SMURF1: variants seen among roughly 807,000 people sequenced by gnomAD.
SMURF1 encodes SMAD specific E3 ubiquitin protein ligase 1.
A neutral mutation model predicts 98.0 loss-of-function variants in SMURF1; 44 were observed. That is an observed-to-expected ratio of 0.45 (90% confidence interval 0.35 to 0.58). SMURF1 has a LOEUF of 0.58. Among genes scored for constraint, SMURF1 ranks in the 20% least tolerant of loss-of-function variants. SMURF1 has a pLI of 0.00. For missense variants in SMURF1, 687 were observed against 938.4 expected (o/e 0.73, Z 3.50); for synonymous variants, 396 against 374.9 (o/e 1.06, Z -0.65).
At chr7:99,079,125 C>G (rs1457288401) in intron 1 of SMURF1, among the ~76,000 whole-genome samples, 2 of 152,208 alleles carry the variant, frequency 1.3e-5, no homozygotes, top group Non-Finnish European at 2.9e-5. Flanking sequence ...GGTGGGAAGC[C>G]GGGAAGCTGA....
intron 1 of SMURF1, among the ~76,000 whole-genome samples, chr7:99,067,013 T>C (rs1221118197): frequency 8.3e-6 from 1 of 119,974 alleles, no homozygotes; most frequent in Non-Finnish European, 1.7e-5. Context: ...TTTTTTTTTT[T>C]GAGACAGAGT....
rs1554440705 is a variant in SMURF1 at position 99,057,607 on chromosome 7, T to TGTTG, written c.204-57_204-56insCAAC. ...TTGTGTTTGGTTTTTTTTGTTTTGT[T>TGTTG]TTTTTTTTTTTTTGAGATAGAATCC... On this transcript the variant is annotated intron_variant, in intron 3 of 17. Coordinates refer to ENST00000361368, the MANE Select transcript of SMURF1 (RefSeq NM_181349.3). The TGTTG allele has an allele frequency of 2.6e-5, 32 of 1,208,976 alleles. No individual in the cohort carries two copies. In the African/African-American group the frequency reaches 5.0e-4, roughly 19 times the overall value. The allele number at this position is 1,208,976 out of a possible 1,614,324, so 74.9% of individuals were successfully genotyped here.
chr7:99,080,421 T>G (rs773117527), intron 1 of SMURF1, among the ~76,000 whole-genome samples: 2 of 152,214 alleles, frequency 1.3e-5, no homozygotes, highest in African/African-American at 2.4e-5. Flanking sequence ...TGCCTCAGCC[T>G]CCTGAGTAGC....
At chr7:99,048,244 C>T (rs1795645742) in intron 9 of SMURF1, 6 of 233,926 alleles carry the variant, frequency 2.6e-5, no homozygotes, top group Non-Finnish European at 8.5e-6. Context: ...AAAAAATTAG[C>T]CAGGTGTGGT....
At chr7:99,049,796 C>T in intron 8 of SMURF1, 87 bp from the exon 9 acceptor site, 3 of 1,344,046 alleles carry the variant, frequency 2.2e-6, no homozygotes, top group Non-Finnish European at 3.1e-6. Context: ...CACAGAGGTT[C>T]CTTATCAAGG....
intron 1 of SMURF1, among the ~76,000 whole-genome samples, chr7:99,112,829 G>A (rs1584192492): frequency 1.3e-5 from 2 of 151,986 alleles, no homozygotes; most frequent in Non-Finnish European, 2.9e-5. Flanking sequence ...TTATAAAAAA[G>A]CAATCAAATA....
intron 7 of SMURF1, among the ~76,000 whole-genome samples, chr7:99,051,822 G>A (rs760595016): frequency 2.6e-5 from 4 of 152,106 alleles, no homozygotes; most frequent in African/African-American, 4.8e-5. Context: ...GCATAGCCAC[G>A]CAAACATCCG....
Position 99,132,459 on chromosome 7 carries a change from G to A in SMURF1, c.55+11267C>T, listed in dbSNP as rs116468268. ...AGAGCAGAGACAGAAAATAAAAATT[G>A]ATTGGACATTGGTAGATGGATGATG... is the stretch of plus-strand genomic sequence containing the variant. On this transcript the variant is annotated intron_variant, in intron 1 of 17. Coordinates refer to ENST00000361368, the MANE Select transcript of SMURF1 (RefSeq NM_181349.3). Among the ~76,000 whole-genome samples the A allele has an allele frequency of 5.8e-3, 876 of 152,256 alleles. 10 individuals are homozygous for A. Among genetic ancestry groups the A allele is most frequent in the African/African-American group, 0.02 (849 of 41,534 alleles).
intron 1 of SMURF1, among the ~76,000 whole-genome samples, chr7:99,071,372 C>T (rs1584144974): frequency 6.6e-6 from 1 of 152,042 alleles, no homozygotes; most frequent in African/African-American, 2.4e-5. Flanking sequence ...AAACGGGACA[C>T]GGAACTTTTT....
chr7:99,033,662 C>A (rs1326632665), intron 16 of SMURF1, among the ~76,000 whole-genome samples: 2 of 152,174 alleles, frequency 1.3e-5, no homozygotes, highest in East Asian at 3.9e-4. Flanking sequence ...CTGCTAAGGC[C>A]CCCCCTAAAG....
chr7:99,107,870 A>G (rs909698727), intron 1 of SMURF1, among the ~76,000 whole-genome samples: 2 of 152,182 alleles, frequency 1.3e-5, no homozygotes, highest in African/African-American at 4.8e-5. Context: ...GTTCACCTAA[A>G]CAGCCAGCCT....
At chr7:99,060,842 G>C in intron 2 of SMURF1, 135 bp from the exon 3 acceptor site, 1 of 508,710 alleles carries the variant, frequency 2.0e-6, no homozygotes, top group Non-Finnish European at 3.4e-6. Context: ...AGCTTTCTAA[G>C]AGAGCCTAGT....
At chr7:99,087,339 T>G (rs907715274) in intron 1 of SMURF1, among the ~76,000 whole-genome samples, 2 of 151,984 alleles carry the variant, frequency 1.3e-5, no homozygotes, top group Non-Finnish European at 2.9e-5. Flanking sequence ...AAGCTATGAG[T>G]GCACCACTGC....
chr7:99,121,198 T>C (rs1412277383), intron 1 of SMURF1: 1 of 134,722 alleles, frequency 7.4e-6, no homozygotes, highest in Non-Finnish European at 1.5e-5. Flanking sequence ...ATTTAGACCT[T>C]GAATTCTGAG....
intron 10 of SMURF1, among the ~76,000 whole-genome samples, chr7:99,047,413 T>G (rs1332810961): frequency 1.3e-5 from 2 of 152,218 alleles, no homozygotes; most frequent in Non-Finnish European, 2.9e-5. Context: ...GGTGAAACTA[T>G]TTAGTTTTTC....
At chr7:99,031,828 C>T (rs1390768535) in intron 17 of SMURF1, among the ~76,000 whole-genome samples, 1 of 152,180 alleles carries the variant, frequency 6.6e-6, no homozygotes, top group Non-Finnish European at 1.5e-5. Flanking sequence ...AGGAACCTTC[C>T]ATCATCTCAC....
intron 10 of SMURF1, among the ~76,000 whole-genome samples, chr7:99,047,471 G>C (rs1267666614): frequency 6.6e-6 from 1 of 152,134 alleles, no homozygotes; most frequent in East Asian, 1.9e-4. Flanking sequence ...CCTCTAGACA[G>C]GCTGTGGTCC....
intron 5 of SMURF1, among the ~76,000 whole-genome samples, chr7:99,056,332 A>G (rs1795875170): frequency 6.6e-6 from 1 of 152,034 alleles, no homozygotes; most frequent in Non-Finnish European, 1.5e-5. Context: ...TATCTGAGTT[A>G]CCCTAAAACA....
chr7:99,030,527 G>A lies in SMURF1; in HGVS notation c.*57C>T. 1 of 1,440,318 alleles carries A rather than the reference G, an allele frequency of 6.9e-7. No homozygotes were observed. Among genetic ancestry groups the A allele is most frequent in the Non-Finnish European group, 9.8e-7 (1 of 1,024,376 alleles). The allele number at this position is 1,440,318 out of a possible 1,614,324, so 89.2% of individuals were successfully genotyped here. On this transcript the variant is annotated 3_prime_UTR_variant, in exon 18 of 18. Coordinates refer to ENST00000361368, the MANE Select transcript of SMURF1 (RefSeq NM_181349.3). The stretch of plus-strand genomic sequence containing the variant: ...CCAGCTTTGCAGGAGGTGCACAGAA[G>A]CTGGATGCTTTTGGTCTGGTGGCCA...
Sources: gnomAD v4.1 joint callset for allele counts (sites outside exome capture counted in the v4.1 genomes callset) on GRCh38, gnomAD v4.1.1 for gene constraint, MANE v1.5 for transcripts, NCBI Gene and HGNC (gene_info 2026-07-23, HGNC 2026-07-21) for gene names.